ATP8A2: variants seen among roughly 807,000 people sequenced by gnomAD.
ATP8A2 encodes the protein phospholipid-transporting ATPase IB.
Under a neutral mutation model 165.6 loss-of-function variants are expected in ATP8A2, and 100 were observed. The observed-to-expected ratio is 0.60, with a 90% CI of 0.51 to 0.71. ATP8A2 has a LOEUF of 0.71. ATP8A2 is among the 30% of genes least tolerant of loss of function. ATP8A2 has a pLI of 0.00. For missense variants in ATP8A2, 1,227 were observed against 1,479.5 expected, an observed-to-expected ratio of 0.83 and a Z score of 2.80; for synonymous variants, 543 against 548.8, an observed-to-expected ratio of 0.99 and a Z score of 0.15.
intron 36 of ATP8A2, among the ~76,000 whole-genome samples, chr13:26,013,599 A>C (rs1956894846): frequency 6.6e-6 from 1 of 151,956 alleles, no homozygotes; most frequent in African/African-American, 2.4e-5. Flanking sequence ...ACTTGAACCT[A>C]GGAAGCGGAG....
At chr13:25,932,847 G>A (rs1303784288) in intron 33 of ATP8A2, among the ~76,000 whole-genome samples, 2 of 151,890 alleles carry the variant, frequency 1.3e-5, no homozygotes, top group Non-Finnish European at 2.9e-5. Flanking sequence ...AGCTGTGCAT[G>A]AACTTTTCTT....
intron 27 of ATP8A2, among the ~76,000 whole-genome samples, chr13:25,826,507 C>T (rs1326807661): frequency 6.6e-6 from 1 of 152,126 alleles, no homozygotes. Flanking sequence ...GGGAAGAATT[C>T]CTGCTTCAAG....
At chr13:25,833,825 A>G (rs1435945826) in intron 28 of ATP8A2, among the ~76,000 whole-genome samples, 1 of 152,236 alleles carries the variant, frequency 6.6e-6, no homozygotes, top group East Asian at 1.9e-4. Flanking sequence ...CCATTTAAAT[A>G]TTAAAAGCTT....
chr13:25,872,062 TC>T (rs543007694), intron 33 of ATP8A2, among the ~76,000 whole-genome samples: 730 of 49,052 alleles, frequency 0.015, 7 homozygotes, highest in African/African-American at 0.055. Context: ...CCCCCCGCCC[TC>T]TTTCGGAATG....
intron 10 of ATP8A2, among the ~76,000 whole-genome samples, chr13:25,549,499 A>C (rs931432803): frequency 6.6e-6 from 1 of 150,772 alleles, no homozygotes; most frequent in Admixed American, 6.6e-5. Context: ...GATTCATGGA[A>C]GGAGACCTGC....
At chr13:25,770,314 C>T (rs537873942) in intron 26 of ATP8A2, among the ~76,000 whole-genome samples, 2 of 152,192 alleles carry the variant, frequency 1.3e-5, no homozygotes, top group East Asian at 3.9e-4. Flanking sequence ...AGATATTTTG[C>T]AGACCCTGCA....
intron 33 of ATP8A2, among the ~76,000 whole-genome samples, chr13:25,930,533 C>T (rs141656030): frequency 1.3e-5 from 2 of 152,298 alleles, no homozygotes; most frequent in African/African-American, 4.8e-5. Context: ...ATCCCTAAGC[C>T]CTCTCTGCAA....
intron 6 of ATP8A2, among the ~76,000 whole-genome samples, chr13:25,535,692 G>A (rs2038256488): frequency 6.6e-6 from 1 of 152,082 alleles, no homozygotes; most frequent in Admixed American, 6.6e-5. Context: ...GTGCGTGTCT[G>A]TAATCCCAGC....
chr13:25,521,154 C>T (rs899846980), intron 2 of ATP8A2, among the ~76,000 whole-genome samples: 3 of 152,144 alleles, frequency 2.0e-5, no homozygotes, highest in African/African-American at 4.8e-5. Context: ...ATTTGTATGT[C>T]TCTTCTGTGA....
In ATP8A2 at chr13:25,580,675, A is replaced by G. The variant is rs1438160347; in HGVS notation, c.2007+728A>G. Among the ~76,000 whole-genome samples the G allele has an allele frequency of 2.6e-5, 4 of 152,146 alleles. No individual in the cohort carries two copies. The East Asian group carries it at 7.7e-4, about 29-fold the overall frequency. On this transcript the variant is annotated intron_variant, in intron 22 of 36. Transcript: ENST00000381655. Reference sequence around the variant, plus strand: ...CAGCCTTCTGAATAGCTGGGACTACAGTCTCATGCTACCATGACTGGCTAA... The same window carrying G: ...CAGCCTTCTGAATAGCTGGGACTACGGTCTCATGCTACCATGACTGGCTAA...
intron 1 of ATP8A2, among the ~76,000 whole-genome samples, chr13:25,390,834 A>G (rs1229120076): frequency 2.0e-5 from 3 of 151,880 alleles, no homozygotes; most frequent in Non-Finnish European, 2.9e-5. Flanking sequence ...GGGAGACAGG[A>G]GAATTGCTTG....
At chr13:25,563,573 G>T (rs1402983051) in intron 15 of ATP8A2, among the ~76,000 whole-genome samples, 3 of 152,086 alleles carry the variant, frequency 2.0e-5, no homozygotes, top group Admixed American at 6.6e-5. Context: ...ATGATTGCAT[G>T]TATACAGTGC....
At chr13:25,869,867 C>T (rs978581472) in intron 33 of ATP8A2, among the ~76,000 whole-genome samples, 45 of 152,170 alleles carry the variant, frequency 3.0e-4, no homozygotes, top group Non-Finnish European at 4.6e-4. Context: ...ACAGGGTACT[C>T]TTTCAGTTTA....
intron 24 of ATP8A2, among the ~76,000 whole-genome samples, chr13:25,688,927 A>G (rs2042664539): frequency 6.6e-6 from 1 of 152,226 alleles, no homozygotes; most frequent in Admixed American, 6.5e-5. Context: ...CCACACATGC[A>G]TTTAGAATAT....
chr13:25,978,002 T>C (rs1399968662), intron 35 of ATP8A2, among the ~76,000 whole-genome samples: 2 of 152,218 alleles, frequency 1.3e-5, no homozygotes, highest in Non-Finnish European at 2.9e-5. Flanking sequence ...ATGTCAACTT[T>C]CTCTATTTGC....
chr13:25,988,268 G>A (rs1956309063), intron 35 of ATP8A2, among the ~76,000 whole-genome samples: 1 of 152,256 alleles, frequency 6.6e-6, no homozygotes, highest in South Asian at 2.1e-4. Context: ...CATCTTCGCT[G>A]TGAGTGCGAA....
chr13:25,413,633 CT>C (rs2138070275), intron 1 of ATP8A2, among the ~76,000 whole-genome samples: 1 of 152,222 alleles, frequency 6.6e-6, no homozygotes, highest in African/African-American at 2.4e-5. Context: ...ATTTCTGATT[CT>C]GATTTATCCT....
intron 2 of ATP8A2, among the ~76,000 whole-genome samples, chr13:25,475,154 G>A (rs1179545518): frequency 6.6e-6 from 1 of 151,862 alleles, no homozygotes; most frequent in African/African-American, 2.4e-5. Flanking sequence ...TATTTTTTCT[G>A]CACCTCCTCC....
At chr13:25,718,555 A>G (rs2043305104) in intron 25 of ATP8A2, among the ~76,000 whole-genome samples, 1 of 152,176 alleles carries the variant, frequency 6.6e-6, no homozygotes, top group Admixed American at 6.5e-5. Flanking sequence ...AGAAGTATCC[A>G]GGGAGAGGGT....
Sources: allele counts gnomAD v4.1 joint callset (sites outside exome capture counted in the v4.1 genomes callset), GRCh38; gene constraint gnomAD v4.1.1; transcripts MANE v1.5; gene names NCBI Gene and HGNC (gene_info 2026-07-23, HGNC 2026-07-21).